The following RHOBTB3 variants were observed in gnomAD, a reference collection of about 807,000 sequenced individuals.
RHOBTB3 encodes the protein Rho related BTB domain containing 3.
RHOBTB3 carries 47 observed loss-of-function variants against 67.2 expected under a neutral mutation model. The ratio of observed to expected loss-of-function variants is 0.70; its 90% CI spans 0.55 to 0.89. RHOBTB3 has a LOEUF of 0.89. RHOBTB3 is among the 40% of genes least tolerant of loss of function. The probability of loss-of-function intolerance (pLI) is 0.00; values close to 1 mark genes in which losing one functional copy is unlikely to be tolerated. For missense variants in RHOBTB3, 631 were observed against 750.0 expected, an observed-to-expected ratio of 0.84 and a Z score of 1.85; for synonymous variants, 273 against 274.2, an observed-to-expected ratio of 1.00 and a Z score of 0.04.
chr5:95,774,693 C>T (rs2112822476), intron 8 of RHOBTB3, among the ~76,000 whole-genome samples: 1 of 152,208 alleles, frequency 6.6e-6, no homozygotes, highest in Non-Finnish European at 1.5e-5. Flanking sequence ...TTCCCATTGG[C>T]AGTGTATGAA....
intron 1 of RHOBTB3, among the ~76,000 whole-genome samples, chr5:95,723,965 A>G (rs1754973324): frequency 6.6e-6 from 1 of 152,222 alleles, no homozygotes. Flanking sequence ...ACACAAACAG[A>G]AAATTTTTAA....
At chr5:95,791,947 CCT>C in intron 11 of RHOBTB3, among the ~76,000 whole-genome samples, 1 of 152,256 alleles carries the variant, frequency 6.6e-6, no homozygotes, top group South Asian at 2.1e-4. Context: ...TAGGTTTCAG[CCT>C]CATTGTCCCC....
In RHOBTB3 at chr5:95,759,278, G is replaced by A. The variant is rs371254464; in HGVS notation, c.1048+3517G>A. Reference sequence around the variant, plus strand: ...TGCTGTCTGGTCTGAGCAGGGGCACGGGCCATTGACCCGGGGCTGCAGAGA... The same window carrying A: ...TGCTGTCTGGTCTGAGCAGGGGCACAGGCCATTGACCCGGGGCTGCAGAGA... On this transcript the variant is annotated intron_variant, in intron 6 of 11. Coordinates refer to ENST00000379982, the MANE Select transcript of RHOBTB3 (RefSeq NM_014899.4). 4.6e-5 allele frequency among the ~76,000 whole-genome samples: 7 copies of A among 152,358 alleles called. No individual in the cohort carries two copies. In the East Asian group the frequency reaches 7.7e-4, roughly 17 times the overall value.
intron 8 of RHOBTB3, among the ~76,000 whole-genome samples, chr5:95,778,970 A>G (rs535778250): frequency 6.6e-6 from 1 of 152,362 alleles, no homozygotes; most frequent in South Asian, 2.1e-4. Context: ...GTAGGCTCAG[A>G]GCTGGCAGTG....
chr5:95,790,259 G>A (rs1205886527), intron 11 of RHOBTB3, among the ~76,000 whole-genome samples: 1 of 152,220 alleles, frequency 6.6e-6, no homozygotes, highest in East Asian at 1.9e-4. Flanking sequence ...TATGCTTGCT[G>A]TCAGAAGGAA....
chr5:95,776,064 G>T (rs1409288551), intron 8 of RHOBTB3, among the ~76,000 whole-genome samples: 1 of 152,052 alleles, frequency 6.6e-6, no homozygotes, highest in Non-Finnish European at 1.5e-5. Flanking sequence ...ACAAATTTAT[G>T]GGAAGTAATT....
chr5:95,770,507 TGG>T (rs1745677540), intron 8 of RHOBTB3: 1 of 328,776 alleles, frequency 3.0e-6, no homozygotes. Flanking sequence ...CCTCAGAAGT[TGG>T]TTATGAGCTA....
chr5:95,719,110 A>G (rs78543829), intron 1 of RHOBTB3, among the ~76,000 whole-genome samples: 2,409 of 152,282 alleles, frequency 0.016, 55 homozygotes, highest in African/African-American at 0.053. Flanking sequence ...GAGAACATGG[A>G]CATATCTGGG....
At chr5:95,791,276 A>G (rs991375332) in intron 11 of RHOBTB3, among the ~76,000 whole-genome samples, 1 of 152,190 alleles carries the variant, frequency 6.6e-6, no homozygotes, top group African/African-American at 2.4e-5. Flanking sequence ...ACCCAGTTAA[A>G]TAGGTCATTA....
intron 10 of RHOBTB3, among the ~76,000 whole-genome samples, chr5:95,788,553 G>T (rs1238192968): frequency 2.6e-5 from 4 of 152,188 alleles, no homozygotes; most frequent in Non-Finnish European, 5.9e-5. Context: ...TGTTGGCCTG[G>T]CTTCTTCCGA....
intron 7 of RHOBTB3, chr5:95,767,716 T>C (rs1230131120): frequency 3.1e-6 from 2 of 648,782 alleles, no homozygotes; most frequent in Non-Finnish European, 5.7e-6. Context: ...TTAGTAGGCA[T>C]TTGTATGGAG....
At chr5:95,760,489 C>T (rs567743490) in intron 6 of RHOBTB3, among the ~76,000 whole-genome samples, 4 of 152,290 alleles carry the variant, frequency 2.6e-5, no homozygotes, top group Admixed American at 6.5e-5. Context: ...ATTGAAATGC[C>T]ATCTGAGTAG....
At position 95,741,217 on chromosome 5, in the gene RHOBTB3, A is replaced by G. The variant is rs533140805; in HGVS notation, c.415+4142A>G. 3.3e-5 allele frequency among the ~76,000 whole-genome samples: 5 copies of G among 151,836 alleles called. No homozygotes were observed. The East Asian group carries it at 9.7e-4, about 29-fold the overall frequency. ...GTGGCAGGTGCCTGTAGTCCCAGCT[A>G]TTTAGGAAGCTGAAGCAGGAGAATG... On this transcript the variant is annotated intron_variant, in intron 3 of 11. Coordinates refer to ENST00000379982, the MANE Select transcript of RHOBTB3 (RefSeq NM_014899.4).
rs767873417 is a variant in RHOBTB3, at chr5:95,755,513, T to C, written c.800T>C (p.Val267Ala). Residue 267 changes from valine to alanine, a missense_variant, in exon 6 of 12, where the codon GTA (valine) becomes GCA (alanine). Coordinates refer to ENST00000379982, the MANE Select transcript of RHOBTB3 (RefSeq NM_014899.4). ...VFYNPNLKKVVEAHKIVLCAV... is the reference protein window; with the variant it reads ...VFYNPNLKKVAEAHKIVLCAV... ...TACAACCCCAATTTAAAGAAAGTTG[T>C]AGAGGCCCACAAGATCGTTCTCTGC... is the stretch of plus-strand genomic sequence containing the variant. The C allele has an allele frequency of 3.1e-6, 5 of 1,614,202 alleles. No individual in the cohort carries two copies. Among genetic ancestry groups the C allele is most frequent in the Non-Finnish European group, 4.2e-6 (5 of 1,180,020 alleles).
At chr5:95,768,767 T>A (rs940183326) in intron 8 of RHOBTB3, among the ~76,000 whole-genome samples, 1 of 152,222 alleles carries the variant, frequency 6.6e-6, no homozygotes, top group Non-Finnish European at 1.5e-5. Flanking sequence ...CTAATTTTAA[T>A]GAAGATGAGC....
chr5:95,734,509 C>T (rs1369707017), intron 2 of RHOBTB3, among the ~76,000 whole-genome samples: 7 of 152,064 alleles, frequency 4.6e-5, no homozygotes, highest in Admixed American at 4.6e-4. Context: ...GCTGTGTTTC[C>T]CTTCCCTAGT....
rs1746498908 is a variant in RHOBTB3 at position 95,794,055 on chromosome 5, C to T, written c.*881C>T. 4.4e-6 allele frequency: 2 copies of T among 456,242 alleles called. No homozygotes were observed. Among genetic ancestry groups the T allele is most frequent in the East Asian group, 6.9e-5 (1 of 14,398 alleles). 28.3% of individuals were successfully genotyped at this position (456,242 alleles called of 1,614,324 possible). On this transcript the variant is annotated 3_prime_UTR_variant, in exon 12 of 12. Transcript: ENST00000379982. ...GATATAAAGGGAAGAGAAGGAGGCT[C>T]ACCGGAGGGAAGAGAACATAGTGAA...
At chr5:95,776,002 A>G (rs1055170276) in intron 8 of RHOBTB3, among the ~76,000 whole-genome samples, 6 of 152,222 alleles carry the variant, frequency 3.9e-5, no homozygotes, top group Non-Finnish European at 1.5e-5. Context: ...ACTTCAAAAG[A>G]TTCATAGTTG....
intron 3 of RHOBTB3, among the ~76,000 whole-genome samples, chr5:95,746,913 A>C (rs1019928673): frequency 1.3e-5 from 2 of 152,204 alleles, no homozygotes; most frequent in Non-Finnish European, 2.9e-5. Context: ...ATATGCACTA[A>C]ATATATTTAG....
Sources: allele counts gnomAD v4.1 joint callset (sites outside exome capture counted in the v4.1 genomes callset), GRCh38; gene constraint gnomAD v4.1.1; transcripts MANE v1.5; gene names NCBI Gene and HGNC (gene_info 2026-07-23, HGNC 2026-07-21).